Variants in CDC42BPA observed in about 807,000 individuals in gnomAD.
CDC42BPA encodes the protein CDC42 binding protein kinase alpha, also known as serine/threonine-protein kinase MRCK alpha.
In CDC42BPA, 80 loss-of-function variants were observed where a neutral mutation model predicts 223.5. That is an observed-to-expected ratio of 0.36 (90% confidence interval 0.30 to 0.43). The LOEUF is 0.43. Ranked by LOEUF, CDC42BPA falls within the 20% of genes least tolerant of loss-of-function variation. CDC42BPA has a pLI of 1.00. For missense variants in CDC42BPA, 1,743 were observed against 2,099.9 expected (o/e 0.83, Z 3.32); for synonymous variants, 694 against 718.6 (o/e 0.97, Z 0.55).
intron 22 of CDC42BPA, among the ~76,000 whole-genome samples, chr1:227,051,594 A>G (rs1464606257): frequency 6.6e-6 from 1 of 152,212 alleles, no homozygotes; most frequent in Non-Finnish European, 1.5e-5. Flanking sequence ...AGAGTTTCTA[A>G]TAATTCAAAA....
At chr1:227,165,831 A>G (rs1478691042) in intron 5 of CDC42BPA, among the ~76,000 whole-genome samples, 2 of 152,224 alleles carry the variant, frequency 1.3e-5, no homozygotes, top group Non-Finnish European at 2.9e-5. Flanking sequence ...GCCACTAGGG[A>G]GCAGGCATAA....
chr1:227,060,716 A>AGTTTTTT lies in CDC42BPA; in HGVS notation c.2905-8732_2905-8731insAAAAAAC, dbSNP rs1373925166. 2.2e-3 allele frequency among the ~76,000 whole-genome samples: 280 copies of AGTTTTTT among 126,474 alleles called. 6 individuals are homozygous for AGTTTTTT. The highest frequency in any genetic ancestry group is 9.0e-3 in the Middle Eastern group (2 of 222). The allele number at this position is 126,474 out of a possible 152,430, so 83.0% of individuals were successfully genotyped here. ...AACTCTGGCAGGTAAGTAAATAGGT[A>AGTTTTTT]CTTTTTTTTTTTTTTTTTTTTTTTT... On this transcript the variant is annotated intron_variant, in intron 21 of 36. Transcript: ENST00000366766.
At chr1:227,098,004 A>G (rs1684332998) in intron 15 of CDC42BPA, among the ~76,000 whole-genome samples, 1 of 152,174 alleles carries the variant, frequency 6.6e-6, no homozygotes, top group African/African-American at 2.4e-5. Context: ...CCTGTTCTAA[A>G]GCTTTTTAAC....
At chr1:227,145,093 ATTG>A (rs1384230899) in intron 8 of CDC42BPA, among the ~76,000 whole-genome samples, 1 of 152,054 alleles carries the variant, frequency 6.6e-6, no homozygotes, top group Non-Finnish European at 1.5e-5. Context: ...TTTCTCTTCA[ATTG>A]TTGTATCAGG....
chr1:227,316,770 C>T (rs1694472734), intron 1 of CDC42BPA, among the ~76,000 whole-genome samples: 1 of 152,180 alleles, frequency 6.6e-6, no homozygotes, highest in Non-Finnish European at 1.5e-5. Flanking sequence ...ATAAGTTCTT[C>T]ATAGCCAAGT....
At chr1:227,082,812 G>C (rs926458409) in intron 16 of CDC42BPA, among the ~76,000 whole-genome samples, 9 of 145,732 alleles carry the variant, frequency 6.2e-5, no homozygotes, top group African/African-American at 2.3e-4. Context: ...ATTTTTTGCT[G>C]TAAATAACAC....
At chr1:227,102,117 C>T (rs1212859778) in intron 14 of CDC42BPA, among the ~76,000 whole-genome samples, 1 of 152,052 alleles carries the variant, frequency 6.6e-6, no homozygotes, top group Non-Finnish European at 1.5e-5. Flanking sequence ...ATCTGGAGGT[C>T]ACTGTATTCT....
intron 5 of CDC42BPA, among the ~76,000 whole-genome samples, chr1:227,162,798 T>C (rs2149820733): frequency 6.6e-6 from 1 of 152,112 alleles, no homozygotes; most frequent in African/African-American, 2.4e-5. Flanking sequence ...ACTGTGTCAC[T>C]ACACTCCAGC....
intron 21 of CDC42BPA, among the ~76,000 whole-genome samples, chr1:227,059,847 A>G (rs1417819181): frequency 6.6e-6 from 1 of 152,152 alleles, no homozygotes; most frequent in African/African-American, 2.4e-5. Flanking sequence ...ATTCTTTTAA[A>G]TGACAAGGGC....
intron 3 of CDC42BPA, among the ~76,000 whole-genome samples, chr1:227,208,828 T>C (rs149919534): frequency 0.098 from 14,902 of 152,192 alleles, 1,178 homozygotes; most frequent in East Asian, 0.36. Flanking sequence ...AGGATTGCCT[T>C]GGCGATGCGG....
chr1:227,174,054 T>A (rs975978846), intron 5 of CDC42BPA, among the ~76,000 whole-genome samples: 1 of 152,120 alleles, frequency 6.6e-6, no homozygotes, highest in Non-Finnish European at 1.5e-5. Flanking sequence ...ACATCCTGAG[T>A]TCACCTATAC....
At position 227,040,083 on chromosome 1, in the gene CDC42BPA, T is replaced by C. The variant is rs781458014; in HGVS notation, c.3199+48A>G. ...TTTGAAAGAGAATCAACTTATTTGA[T>C]TACAATTTAGATAGTGAAGTCACAT... On this transcript the variant is annotated intron_variant, in intron 24 of 36. Transcript: ENST00000366766. 4.5e-6 allele frequency: 5 copies of C among 1,111,462 alleles called. No homozygotes were observed. The Admixed American group carries it at 6.9e-5, about 15-fold the overall frequency. 68.8% of individuals were successfully genotyped at this position (1,111,462 alleles called of 1,614,324 possible). A position where few individuals can be genotyped will look rare whatever the true frequency, so the allele number is the denominator to read the frequency against.
At chr1:227,118,867 T>C (rs1237881151) in intron 12 of CDC42BPA, among the ~76,000 whole-genome samples, 1 of 152,098 alleles carries the variant, frequency 6.6e-6, no homozygotes, top group African/African-American at 2.4e-5. Context: ...AAAAAATTGC[T>C]TGAAACCTCA....
intron 2 of CDC42BPA, among the ~76,000 whole-genome samples, chr1:227,223,125 A>G (rs545951169): frequency 1.3e-5 from 2 of 152,320 alleles, no homozygotes; most frequent in East Asian, 1.9e-4. Flanking sequence ...TACGTATGTT[A>G]AAAGTTTTTT....
At chr1:227,040,645 AAG>A (rs1671187847) in intron 23 of CDC42BPA, among the ~76,000 whole-genome samples, 1 of 152,164 alleles carries the variant, frequency 6.6e-6, no homozygotes, top group Non-Finnish European at 1.5e-5. Context: ...TCTTAGGAAA[AAG>A]AGTTATTTAA....
chr1:227,273,338 G>A (rs1686299743), intron 1 of CDC42BPA, among the ~76,000 whole-genome samples: 1 of 150,946 alleles, frequency 6.6e-6, no homozygotes, highest in South Asian at 2.1e-4. Context: ...CTCCAAGGCG[G>A]GCAGATCACC....
At chr1:227,092,386 T>G (rs4653787) in intron 15 of CDC42BPA, among the ~76,000 whole-genome samples, 1 of 151,976 alleles carries the variant, frequency 6.6e-6, no homozygotes, top group Admixed American at 6.6e-5. Context: ...CAAAAAGTAT[T>G]TGGGAGAGGG....
intron 2 of CDC42BPA, among the ~76,000 whole-genome samples, chr1:227,231,092 C>A (rs1290701307): frequency 6.6e-6 from 1 of 150,944 alleles, no homozygotes; most frequent in Non-Finnish European, 1.5e-5. Flanking sequence ...CCCGTTAACT[C>A]GTCATTTACA....
rs561080616 is a variant in CDC42BPA, at chr1:227,317,726, C to G, written c.-544G>C. 33 of 398,604 alleles carry G rather than the reference C, an allele frequency of 8.3e-5. No individual in the cohort carries two copies. In the South Asian group the frequency reaches 3.5e-3, roughly 42 times the overall value. 24.7% of individuals were successfully genotyped at this position (398,604 alleles called of 1,614,324 possible). On this transcript the variant is annotated 5_prime_UTR_variant, in exon 1 of 37. Transcript: ENST00000366766. ...ATGTTGCTGCAAATCCTCCCAACCA[C>G]CACTTGGATAATGCATCAGCGGCAA... is the stretch of plus-strand genomic sequence containing the variant.
Sources: gnomAD v4.1 joint callset for allele counts (sites outside exome capture counted in the v4.1 genomes callset) on GRCh38, gnomAD v4.1.1 for gene constraint, MANE v1.5 for transcripts, NCBI Gene and HGNC (gene_info 2026-07-23, HGNC 2026-07-21) for gene names.